Variants in RBFOX1 observed in about 807,000 individuals in gnomAD.
RBFOX1 encodes RNA binding protein fox-1 homolog 1.
A neutral mutation model predicts 57.7 loss-of-function variants in RBFOX1; 8 were observed. The ratio of observed to expected loss-of-function variants is 0.14; its 90% CI spans 0.08 to 0.25. RBFOX1 has a LOEUF of 0.25. Ranked by LOEUF, RBFOX1 falls within the 10% of genes least tolerant of loss-of-function variation. The pLI, the probability that RBFOX1 is intolerant of heterozygous loss-of-function variation, is 1.00. For synonymous variants in RBFOX1, 326 were observed against 222.4 expected, an observed-to-expected ratio of 1.47 and a Z score of -4.15; for missense variants, 611 against 548.5, an observed-to-expected ratio of 1.11 and a Z score of -1.14.
chr16:7,355,115 C>G (rs1170889552), intron 4 of RBFOX1, among the ~76,000 whole-genome samples: 1 of 152,190 alleles, frequency 6.6e-6, no homozygotes, highest in Non-Finnish European at 1.5e-5. Context: ...ATCACCCAAG[C>G]TTTGAATGTG....
intron 4 of RBFOX1, among the ~76,000 whole-genome samples, chr16:7,162,337 C>T (rs960018143): frequency 4.6e-5 from 7 of 152,006 alleles, no homozygotes; most frequent in African/African-American, 7.2e-5. Flanking sequence ...ATCTATTTGG[C>T]GAAATGAATA....
At chr16:7,554,181 C>A (rs2087543420) in intron 5 of RBFOX1, among the ~76,000 whole-genome samples, 1 of 152,170 alleles carries the variant, frequency 6.6e-6, no homozygotes, top group Non-Finnish European at 1.5e-5. Context: ...GGAAAACTAA[C>A]AGTTTCAATT....
At chr16:5,482,327 T>C (rs2069574175) in intron 2 of RBFOX1, among the ~76,000 whole-genome samples, 1 of 152,140 alleles carries the variant, frequency 6.6e-6, no homozygotes, top group Non-Finnish European at 1.5e-5. Flanking sequence ...CATTCGGTAC[T>C]GGGAGGTAGA....
intron 4 of RBFOX1, among the ~76,000 whole-genome samples, chr16:7,059,961 G>T (rs917214400): frequency 3.9e-5 from 6 of 152,170 alleles, no homozygotes; most frequent in Non-Finnish European, 7.3e-5. Context: ...AAATTATTTT[G>T]CTTAGCTGTG....
At chr16:6,046,131 G>T (rs2095493045) in intron 1 of RBFOX1, among the ~76,000 whole-genome samples, 1 of 152,208 alleles carries the variant, frequency 6.6e-6, no homozygotes, top group African/African-American at 2.4e-5. Context: ...GATTACTTTG[G>T]CTGCTATGTG....
intron 3 of RBFOX1, among the ~76,000 whole-genome samples, chr16:5,665,259 T>C (rs2049802496): frequency 6.6e-6 from 1 of 152,088 alleles, no homozygotes; most frequent in Non-Finnish European, 1.5e-5. Context: ...CCAACCTCTT[T>C]TCTGTCTCAG....
intron 1 of RBFOX1, among the ~76,000 whole-genome samples, chr16:5,358,053 G>C (rs540839322): frequency 6.6e-6 from 1 of 152,298 alleles, no homozygotes; most frequent in South Asian, 2.1e-4. Context: ...AGGAGGCTTA[G>C]ACTCCGAGAC....
Position 7,029,121 on chromosome 16 carries a change from CAT to C in RBFOX1, c.-15-22932_-15-22931del, listed in dbSNP as rs1276514023. Among the ~76,000 whole-genome samples, 32 of 78,980 alleles carry C rather than the reference CAT, an allele frequency of 4.1e-4. 1 individual carries two copies. Among genetic ancestry groups the C allele is most frequent in the African/African-American group, 5.0e-4 (8 of 15,972 alleles). 51.8% of individuals were successfully genotyped at this position (78,980 alleles called of 152,430 possible). ...ACACACACACACACACACACACACA[CAT>C]ATACGTATATATATATGTGTATATA... On this transcript the variant is annotated intron_variant, in intron 3 of 15. Transcript: ENST00000550418.
chr16:5,760,848 G>C (rs1597139286), intron 3 of RBFOX1, among the ~76,000 whole-genome samples: 1 of 152,230 alleles, frequency 6.6e-6, no homozygotes, highest in African/African-American at 2.4e-5. Flanking sequence ...AGAAAGGAGA[G>C]AGGAGTAGGG....
At chr16:5,917,938 C>G (rs948715007) in intron 4 of RBFOX1, among the ~76,000 whole-genome samples, 4 of 152,090 alleles carry the variant, frequency 2.6e-5, no homozygotes, top group Admixed American at 6.5e-5. Context: ...ATGATCCTCT[C>G]TCTCCCACAC....
At chr16:7,142,182 C>T (rs1027680437) in intron 4 of RBFOX1, among the ~76,000 whole-genome samples, 1 of 152,056 alleles carries the variant, frequency 6.6e-6, no homozygotes, top group African/African-American at 2.4e-5. Flanking sequence ...CACCACCACA[C>T]CTGACCAATT....
At chr16:5,583,989 T>C (rs1278790572) in intron 2 of RBFOX1, among the ~76,000 whole-genome samples, 3 of 152,144 alleles carry the variant, frequency 2.0e-5, no homozygotes, top group Non-Finnish European at 4.4e-5. Flanking sequence ...CATTCCTGGT[T>C]CCACCGAGTC....
At chr16:6,935,721 G>A (rs2077254366) in intron 3 of RBFOX1, among the ~76,000 whole-genome samples, 1 of 152,172 alleles carries the variant, frequency 6.6e-6, no homozygotes, top group Non-Finnish European at 1.5e-5. Context: ...TGGCAGCTAA[G>A]CGAGACATCT....
At chr16:7,269,916 C>G (rs1232732961) in intron 4 of RBFOX1, among the ~76,000 whole-genome samples, 1 of 152,190 alleles carries the variant, frequency 6.6e-6, no homozygotes, top group South Asian at 2.1e-4. Flanking sequence ...TCATTACCAA[C>G]ATTATTTGGT....
chr16:7,498,703 C>G (rs2069559446), intron 4 of RBFOX1, among the ~76,000 whole-genome samples: 1 of 152,068 alleles, frequency 6.6e-6, no homozygotes. Context: ...CATTTCAGAC[C>G]AGCCACATTT....
chr16:6,443,854 C>G (rs2094435178), intron 2 of RBFOX1, among the ~76,000 whole-genome samples: 1 of 152,068 alleles, frequency 6.6e-6, no homozygotes, highest in Non-Finnish European at 1.5e-5. Context: ...ACCCATCCAT[C>G]CATCCATCCA....
intron 4 of RBFOX1, among the ~76,000 whole-genome samples, chr16:7,330,098 C>G (rs992066069): frequency 6.6e-6 from 1 of 152,070 alleles, no homozygotes; most frequent in African/African-American, 2.4e-5. Flanking sequence ...TCCAATTTGT[C>G]ATGGCCTGAA....
intron 4 of RBFOX1, among the ~76,000 whole-genome samples, chr16:7,088,385 G>C (rs923605156): frequency 3.9e-5 from 6 of 152,184 alleles, no homozygotes; most frequent in Non-Finnish European, 8.8e-5. Context: ...TTGGGGTTGA[G>C]TGCTGTAGAG....
intron 3 of RBFOX1, among the ~76,000 whole-genome samples, chr16:5,841,709 C>T (rs755104789): frequency 6.6e-6 from 1 of 152,204 alleles, no homozygotes; most frequent in African/African-American, 2.4e-5. Flanking sequence ...ATCCTGACTT[C>T]CATGGCCTGT....
Sources: gnomAD v4.1 joint callset for allele counts (sites outside exome capture counted in the v4.1 genomes callset) on GRCh38, gnomAD v4.1.1 for gene constraint, MANE v1.5 for transcripts, NCBI Gene and HGNC (gene_info 2026-07-23, HGNC 2026-07-21) for gene names.